Variants in CALN1 observed in about 807,000 individuals in gnomAD.
CALN1 encodes calcium-binding protein 8.
Under a neutral mutation model 30.6 loss-of-function variants are expected in CALN1, and 17 were observed. That is an observed-to-expected ratio of 0.56 (90% CI 0.38 to 0.83). CALN1 has a LOEUF of 0.83. Among genes scored for constraint, CALN1 ranks in the 40% least tolerant of loss-of-function variants. The pLI is 0.00. For missense variants in CALN1, 291 were observed against 354.9 expected (o/e 0.82, Z 1.45); for synonymous variants, 156 against 131.4 (o/e 1.19, Z -1.28).
chr7:72,218,017 T>C (rs1359519277), intron 3 of CALN1, among the ~76,000 whole-genome samples: 2 of 151,254 alleles, frequency 1.3e-5, no homozygotes, highest in African/African-American at 2.4e-5. Context: ...TAGTTTTTTG[T>C]ACTTTTAGTA....
intron 5 of CALN1, among the ~76,000 whole-genome samples, chr7:71,961,769 T>A (rs906172420): frequency 6.6e-6 from 1 of 152,052 alleles, no homozygotes; most frequent in Non-Finnish European, 1.5e-5. Context: ...GGCAAGAAAT[T>A]CAAGGGCAGC....
chr7:72,185,599 A>T (rs868063804), intron 3 of CALN1, among the ~76,000 whole-genome samples: 1 of 152,108 alleles, frequency 6.6e-6, no homozygotes, highest in African/African-American at 2.4e-5. Context: ...TGATATAGAG[A>T]GTGATATAGT....
chr7:71,839,486 T>TGCA (rs1382508474), intron 5 of CALN1, among the ~76,000 whole-genome samples: 1 of 152,188 alleles, frequency 6.6e-6, no homozygotes, highest in Non-Finnish European at 1.5e-5. Context: ...GAGCCGAGAT[T>TGCA]GCACCACTGC....
At chr7:71,959,894 G>A (rs1797150513) in intron 5 of CALN1, among the ~76,000 whole-genome samples, 1 of 152,086 alleles carries the variant, frequency 6.6e-6, no homozygotes. Flanking sequence ...AGCACTTTGG[G>A]AGGCCGAGGC....
intron 3 of CALN1, among the ~76,000 whole-genome samples, chr7:72,115,511 G>A (rs982385944): frequency 1.7e-5 from 1 of 57,976 alleles, no homozygotes; most frequent in African/African-American, 8.3e-5. Context: ...TTTTTTTTTG[G>A]AGACACAGTG....
chr7:71,812,929 CATTATTATTATTATT>C (rs71092917), intron 5 of CALN1, among the ~76,000 whole-genome samples: 2 of 136,506 alleles, frequency 1.5e-5, no homozygotes, highest in South Asian at 2.5e-4. Flanking sequence ...TCATCATCAT[CATTATTATTATTATT>C]ATTATTATTA....
At chr7:72,403,735 T>C (rs889233570) in intron 1 of CALN1, among the ~76,000 whole-genome samples, 9 of 152,200 alleles carry the variant, frequency 5.9e-5, no homozygotes, top group Admixed American at 2.6e-4. Flanking sequence ...TGCTGGAGTA[T>C]GTGCAGTGTG....
chr7:72,131,629 A>G (rs747287138), intron 3 of CALN1, among the ~76,000 whole-genome samples: 7 of 152,092 alleles, frequency 4.6e-5, no homozygotes, highest in Admixed American at 2.0e-4. Flanking sequence ...CTGACCTAAC[A>G]TTGTTCACAC....
intron 3 of CALN1, among the ~76,000 whole-genome samples, chr7:72,204,347 C>T (rs1028939453): frequency 2.6e-5 from 4 of 151,720 alleles, no homozygotes; most frequent in African/African-American, 7.3e-5. Flanking sequence ...ATACACAGTT[C>T]GTTGTTGCCT....
chr7:71,912,917 T>C (rs1214805126), intron 5 of CALN1, among the ~76,000 whole-genome samples: 1 of 152,200 alleles, frequency 6.6e-6, no homozygotes, highest in Non-Finnish European at 1.5e-5. Context: ...CACTACCGAC[T>C]TGACGGACTA....
intron 3 of CALN1, among the ~76,000 whole-genome samples, chr7:72,136,548 C>T (rs1563087945): frequency 6.6e-6 from 1 of 152,248 alleles, no homozygotes; most frequent in Non-Finnish European, 1.5e-5. Flanking sequence ...TGTGTGTCCA[C>T]TAGAGTGGCA....
At chr7:72,041,797 G>A (rs1444314153) in intron 4 of CALN1, among the ~76,000 whole-genome samples, 1 of 152,164 alleles carries the variant, frequency 6.6e-6, no homozygotes, top group Non-Finnish European at 1.5e-5. Flanking sequence ...TCAAAACAGT[G>A]AATAAGTCTC....
chr7:72,103,650 C>T (rs1806861284), intron 4 of CALN1, among the ~76,000 whole-genome samples: 1 of 151,956 alleles, frequency 6.6e-6, no homozygotes, highest in Non-Finnish European at 1.5e-5. Context: ...ATTCTTCAAT[C>T]CAAAAACAGG....
At chr7:72,289,744 T>C (rs1798344832) in intron 2 of CALN1, among the ~76,000 whole-genome samples, 1 of 151,748 alleles carries the variant, frequency 6.6e-6, no homozygotes, top group Non-Finnish European at 1.5e-5. Flanking sequence ...TTTAAATATT[T>C]ATTACCTTGA....
intron 3 of CALN1, among the ~76,000 whole-genome samples, chr7:72,236,605 C>T (rs934714507): frequency 2.6e-5 from 4 of 152,162 alleles, no homozygotes; most frequent in Non-Finnish European, 5.9e-5. Context: ...CCTCTTGCAT[C>T]GTGGTGGAAA....
chr7:71,906,527 G>A (rs1407335893), intron 5 of CALN1, among the ~76,000 whole-genome samples: 2 of 152,034 alleles, frequency 1.3e-5, no homozygotes, highest in African/African-American at 2.4e-5. Context: ...AAGCTTGGAC[G>A]GGCTCATTCA....
At chr7:72,073,341 A>C (rs1342631997) in intron 4 of CALN1, among the ~76,000 whole-genome samples, 1 of 152,216 alleles carries the variant, frequency 6.6e-6, no homozygotes, top group African/African-American at 2.4e-5. Flanking sequence ...CTTATTAAAC[A>C]ATATTTACTT....
intron 1 of CALN1, among the ~76,000 whole-genome samples, chr7:72,425,157 A>C (rs368163180): frequency 4.1e-4 from 62 of 152,260 alleles, no homozygotes; most frequent in Admixed American, 8.5e-4. Flanking sequence ...TCTGTTGCCC[A>C]GGCTGGAGTG....
At chr7:72,041,081 G>A (rs1240247199) in intron 4 of CALN1, among the ~76,000 whole-genome samples, 1 of 152,038 alleles carries the variant, frequency 6.6e-6, no homozygotes. Context: ...TCAGCTTTAT[G>A]GCCTAAAATT....
Sources: allele counts gnomAD v4.1 joint callset (sites outside exome capture counted in the v4.1 genomes callset), GRCh38; gene constraint gnomAD v4.1.1; transcripts MANE v1.5; gene names NCBI Gene and HGNC (gene_info 2026-07-23, HGNC 2026-07-21).